LRMDA: variants seen among roughly 807,000 people sequenced by gnomAD.
LRMDA encodes leucine rich melanocyte differentiation associated.
LRMDA carries 18 observed loss-of-function variants against 29.8 expected under a neutral mutation model. The ratio of observed to expected loss-of-function variants is 0.60; its 90% CI spans 0.42 to 0.90. The LOEUF is 0.90. Ranked by LOEUF, LRMDA falls within the 40% of genes least tolerant of loss-of-function variation. LRMDA has a pLI of 0.00. For synonymous variants in LRMDA, 125 were observed against 109.4 expected (o/e 1.14, Z -0.89); for missense variants, 273 against 273.9 (o/e 1.00, Z 0.02).
intron 5 of LRMDA, among the ~76,000 whole-genome samples, chr10:76,108,598 A>G (rs1424372284): frequency 6.6e-6 from 1 of 152,178 alleles, no homozygotes; most frequent in Non-Finnish European, 1.5e-5. Context: ...TATTGCAATT[A>G]CAGATGATTT....
intron 5 of LRMDA, among the ~76,000 whole-genome samples, chr10:76,133,945 A>C (rs1179441817): frequency 6.6e-6 from 1 of 152,242 alleles, no homozygotes; most frequent in Non-Finnish European, 1.5e-5. Flanking sequence ...CTGTTGCCTC[A>C]GAACTGTCTG....
intron 6 of LRMDA, among the ~76,000 whole-genome samples, chr10:76,410,982 T>A (rs1245163491): frequency 6.6e-6 from 1 of 152,122 alleles, no homozygotes; most frequent in Non-Finnish European, 1.5e-5. Flanking sequence ...TCATTCTGGC[T>A]GCCATCCACA....
chr10:75,668,159 C>A lies in LRMDA; in HGVS notation c.131+229665C>A, dbSNP rs995743323. On this transcript the variant is annotated intron_variant, in intron 2 of 6. Coordinates refer to ENST00000611255, the MANE Select transcript of LRMDA (RefSeq NM_001305581.2). The stretch of plus-strand genomic sequence containing the variant: ...AATAATCCTTGTGACCTGTACCATA[C>A]CTGCCTGGATCTCTTGCCCTCCCAT... 2.0e-5 allele frequency among the ~76,000 whole-genome samples: 3 copies of A among 152,340 alleles called. No individual in the cohort carries two copies. In the South Asian group the frequency reaches 6.2e-4, roughly 32 times the overall value.
intron 2 of LRMDA, among the ~76,000 whole-genome samples, chr10:75,931,724 T>G (rs1237346091): frequency 6.6e-6 from 1 of 152,208 alleles, no homozygotes; most frequent in Non-Finnish European, 1.5e-5. Flanking sequence ...GGCCTACTGA[T>G]GCTTGGAACA....
chr10:76,544,345 C>A (rs1449395949), intron 6 of LRMDA, among the ~76,000 whole-genome samples: 1 of 152,088 alleles, frequency 6.6e-6, no homozygotes, highest in Non-Finnish European at 1.5e-5. Flanking sequence ...TTCAAGCCAG[C>A]CAAATAAAAG....
chr10:76,517,628 A>G (rs1843075181), intron 6 of LRMDA, among the ~76,000 whole-genome samples: 1 of 152,130 alleles, frequency 6.6e-6, no homozygotes, highest in Non-Finnish European at 1.5e-5. Context: ...TTATCCTGGA[A>G]GAAAAGTGTG....
chr10:76,452,607 G>A (rs1274897140), intron 6 of LRMDA, among the ~76,000 whole-genome samples: 2 of 152,166 alleles, frequency 1.3e-5, no homozygotes, highest in African/African-American at 2.4e-5. Context: ...AATAGTTGAC[G>A]TATAGTGGGC....
chr10:76,406,993 C>T (rs564017539), intron 6 of LRMDA, among the ~76,000 whole-genome samples: 5 of 152,174 alleles, frequency 3.3e-5, no homozygotes, highest in African/African-American at 1.2e-4. Flanking sequence ...ATTCGTGCAA[C>T]CTTTGATCCC....
chr10:75,742,209 T>A (rs1373585265), intron 2 of LRMDA, among the ~76,000 whole-genome samples: 1 of 152,228 alleles, frequency 6.6e-6, no homozygotes, highest in Non-Finnish European at 1.5e-5. Flanking sequence ...AAGTTTTTCA[T>A]ACACATATCA....
chr10:76,036,458 G>A lies in LRMDA; in HGVS notation c.258+324G>A, dbSNP rs143330550. Reference sequence around the variant, plus strand: ...AATAGAGAAAGAAAATAATGTCACCGCTGCAGAGGCAGCGAAGCCCAGTCT... The same window carrying A: ...AATAGAGAAAGAAAATAATGTCACCACTGCAGAGGCAGCGAAGCCCAGTCT... On this transcript the variant is annotated intron_variant, in intron 3 of 6. Transcript: ENST00000611255. Among the ~76,000 whole-genome samples, 607 of 152,288 alleles carry A rather than the reference G, an allele frequency of 4.0e-3. 3 individuals carry two copies. Among genetic ancestry groups the A allele is most frequent in the African/African-American group, 0.014 (574 of 41,566 alleles).
chr10:76,160,328 GT>G (rs1442204269), intron 5 of LRMDA, among the ~76,000 whole-genome samples: 1 of 151,048 alleles, frequency 6.6e-6, no homozygotes, highest in Non-Finnish European at 1.5e-5. Context: ...AAAGTAAAAA[GT>G]TCTTAATGTA....
intron 2 of LRMDA, among the ~76,000 whole-genome samples, chr10:75,597,320 A>G (rs1414375842): frequency 1.3e-5 from 2 of 152,332 alleles, no homozygotes; most frequent in Admixed American, 6.5e-5. Context: ...CTATGGACAC[A>G]TGCAGGGCTT....
intron 2 of LRMDA, among the ~76,000 whole-genome samples, chr10:75,641,289 C>T (rs1296885598): frequency 3.3e-5 from 5 of 152,066 alleles, no homozygotes; most frequent in East Asian, 1.9e-4. Flanking sequence ...GCCATCGGTC[C>T]TCCTTTGCTC....
chr10:76,039,658 A>G (rs528442362), intron 3 of LRMDA, among the ~76,000 whole-genome samples: 1 of 152,320 alleles, frequency 6.6e-6, no homozygotes, highest in Admixed American at 6.5e-5. Context: ...CTGAAGGCAG[A>G]CTTCCTGAGC....
intron 4 of LRMDA, among the ~76,000 whole-genome samples, chr10:76,056,720 C>T (rs981130886): frequency 2.6e-5 from 4 of 152,188 alleles, no homozygotes; most frequent in African/African-American, 7.2e-5. Flanking sequence ...CATTGGGAGT[C>T]GGGAGAGGCC....
chr10:75,984,298 A>G (rs968709613), intron 2 of LRMDA, among the ~76,000 whole-genome samples: 1 of 151,700 alleles, frequency 6.6e-6, no homozygotes, highest in African/African-American at 2.4e-5. Flanking sequence ...TATCCAAACC[A>G]GCAGGTGGAG....
At chr10:75,538,083 A>G (rs902071129) in intron 2 of LRMDA, among the ~76,000 whole-genome samples, 4 of 152,188 alleles carry the variant, frequency 2.6e-5, no homozygotes, top group Non-Finnish European at 4.4e-5. Context: ...GTTGGGGACT[A>G]TTAGAGCTGG....
At chr10:75,631,284 G>A (rs1841318284) in intron 2 of LRMDA, among the ~76,000 whole-genome samples, 1 of 152,030 alleles carries the variant, frequency 6.6e-6, no homozygotes, top group South Asian at 2.1e-4. Context: ...CAGGTAGCTT[G>A]TGGGACCTCA....
chr10:76,158,210 A>T (rs897387181), intron 5 of LRMDA, among the ~76,000 whole-genome samples: 5 of 152,140 alleles, frequency 3.3e-5, no homozygotes, highest in Non-Finnish European at 5.9e-5. Context: ...TGATCTACAC[A>T]TTGTACTTTA....
Sources: gnomAD v4.1 joint callset for allele counts (sites outside exome capture counted in the v4.1 genomes callset) on GRCh38, gnomAD v4.1.1 for gene constraint, MANE v1.5 for transcripts, NCBI Gene and HGNC (gene_info 2026-07-23, HGNC 2026-07-21) for gene names.